Variants in ANKRD30A observed in about 807,000 individuals in gnomAD.
ANKRD30A encodes ankyrin repeat domain-containing protein 30A.
A neutral mutation model predicts 166.3 loss-of-function variants in ANKRD30A; 170 were observed. The observed-to-expected ratio is 1.02, with a 90% CI of 0.90 to 1.16. The LOEUF is 1.16. ANKRD30A is among the 50% of genes most tolerant of loss of function. The pLI is 0.00. For missense variants in ANKRD30A, 1,630 were observed against 1,518.0 expected (o/e 1.07, Z -1.23); for synonymous variants, 564 against 508.9 (o/e 1.11, Z -1.46).
At chr10:37,248,524 C>G in the ANKRD30A span, among the ~76,000 whole-genome samples, 1 of 152,126 alleles carries the variant, frequency 6.6e-6, no homozygotes, top group African/African-American at 2.4e-5. Context: ...GCAGCAGCCC[C>G]CATGGTCCAA....
At chr10:37,156,849 G>T (rs114629396) in intron 13 of ANKRD30A, among the ~76,000 whole-genome samples, 1 of 152,070 alleles carries the variant, frequency 6.6e-6, no homozygotes, top group Non-Finnish European at 1.5e-5. Context: ...TATTTAAAGC[G>T]TATTGAATAC....
intron 31 of ANKRD30A, among the ~76,000 whole-genome samples, chr10:37,206,278 T>G (rs1258593017): frequency 6.6e-6 from 1 of 152,124 alleles, no homozygotes; most frequent in Non-Finnish European, 1.5e-5. Flanking sequence ...CAGATGCATT[T>G]GGAATGTTTG....
chr10:37,134,858 A>G (rs1836584740), intron 5 of ANKRD30A, among the ~76,000 whole-genome samples: 1 of 152,166 alleles, frequency 6.6e-6, no homozygotes, highest in Admixed American at 6.5e-5. Flanking sequence ...GTCAGGTTGA[A>G]GTAATGTTAT....
chr10:37,162,934 T>C, intron 17 of ANKRD30A, 86 bp downstream of exon 17: 2 of 1,504,998 alleles, frequency 1.3e-6, no homozygotes, highest in South Asian at 1.2e-5. Flanking sequence ...GGTTTATTTT[T>C]TTCAACTTTG....
chr10:37,131,842 G>T (rs1303385802), intron 3 of ANKRD30A, among the ~76,000 whole-genome samples: 2 of 152,158 alleles, frequency 1.3e-5, no homozygotes, highest in Non-Finnish European at 2.9e-5. Context: ...TTCTGGTAAG[G>T]TAATTATTCT....
At chr10:37,225,758 A>AT (rs1843118901) in intron 34 of ANKRD30A, among the ~76,000 whole-genome samples, 3 of 151,866 alleles carry the variant, frequency 2.0e-5, no homozygotes, top group African/African-American at 7.2e-5. Flanking sequence ...ACGCCATCCT[A>AT]TGATGACTTC....
At chr10:37,173,083 G>A (rs1185499936) in intron 21 of ANKRD30A, among the ~76,000 whole-genome samples, 1 of 151,742 alleles carries the variant, frequency 6.6e-6, no homozygotes, top group Non-Finnish European at 1.5e-5. Flanking sequence ...AATATTGAAA[G>A]CTTAGTATAG....
rs1206212754 is a variant in ANKRD30A, at chr10:37,141,753, C to T, written c.856C>T (p.Pro286Ser). Reference protein sequence around the residue: ...TSAGTPDEAAPLAERTPDTAE... With the variant: ...TSAGTPDEAASLAERTPDTAE... ...TGCAGGAACACCTGATGAGGCTGCA[C>T]CCTTGGCGGAAAGAACACCTGACAC... is the stretch of plus-strand genomic sequence containing the variant. The change falls in exon 7 of 36, where the codon CCC becomes TCC. Residue 286 changes from proline (P) to serine (S), a missense_variant. Pro to Ser is a moderately conservative substitution (Grantham distance 74, BLOSUM62 -1). Transcript: ENST00000361713. 4 of 1,611,786 alleles carry T rather than the reference C, an allele frequency of 2.5e-6. No homozygotes were observed. The highest frequency in any genetic ancestry group is 1.7e-5 in the Admixed American group (1 of 59,956).
At chr10:37,203,872 T>G (rs963444452) in intron 31 of ANKRD30A, among the ~76,000 whole-genome samples, 1 of 152,234 alleles carries the variant, frequency 6.6e-6, no homozygotes, top group Non-Finnish European at 1.5e-5. Flanking sequence ...AAATCATGAG[T>G]GAACTCCCAT....
At chr10:37,152,216 A>G in intron 12 of ANKRD30A, 95 bp downstream of exon 12, 2 of 1,014,134 alleles carry the variant, frequency 2.0e-6, no homozygotes, top group South Asian at 1.4e-5. Flanking sequence ...GCCTCTTCAT[A>G]TGTCACCCCG....
intron 24 of ANKRD30A, among the ~76,000 whole-genome samples, chr10:37,178,039 G>C (rs571268649): frequency 6.6e-6 from 1 of 151,116 alleles, no homozygotes; most frequent in Non-Finnish European, 1.5e-5. Context: ...AGTAAATGAA[G>C]ACTGAGAAAG....
chr10:37,212,762 G>A (rs1247727191), intron 31 of ANKRD30A, among the ~76,000 whole-genome samples: 2 of 151,692 alleles, frequency 1.3e-5, no homozygotes, highest in East Asian at 1.9e-4. Context: ...GGAAGGGGTC[G>A]AGTTTCAGTT....
intron 34 of ANKRD30A, among the ~76,000 whole-genome samples, chr10:37,223,630 T>C (rs1344896580): frequency 6.6e-6 from 1 of 151,456 alleles, no homozygotes; most frequent in Admixed American, 6.6e-5. Flanking sequence ...ATGATACTAA[T>C]GAAAGTATAA....
chr10:37,250,675 G>T, the ANKRD30A span, among the ~76,000 whole-genome samples: 1 of 151,974 alleles, frequency 6.6e-6, no homozygotes, highest in Non-Finnish European at 1.5e-5. Flanking sequence ...CTTATAGAAG[G>T]GACTCCAGAG....
At chr10:37,254,998 T>G in the ANKRD30A span, among the ~76,000 whole-genome samples, 83 of 152,268 alleles carry the variant, frequency 5.5e-4, no homozygotes, top group Non-Finnish European at 1.0e-3. Flanking sequence ...TTTTATTTTC[T>G]TTGTTATGTC....
At chr10:37,155,274 C>G (rs1042230310) in intron 13 of ANKRD30A, among the ~76,000 whole-genome samples, 2 of 152,072 alleles carry the variant, frequency 1.3e-5, no homozygotes, top group Non-Finnish European at 2.9e-5. Flanking sequence ...GTACATCTTC[C>G]TCCATGAGTG....
the ANKRD30A span, among the ~76,000 whole-genome samples, chr10:37,253,651 T>TC: frequency 5.2e-5 from 4 of 77,328 alleles, no homozygotes; most frequent in African/African-American, 1.5e-4. Flanking sequence ...TTCTTTTTCT[T>TC]TTTTTTTTTT....
chr10:37,144,814 A>G (rs1837385015), intron 7 of ANKRD30A, among the ~76,000 whole-genome samples, 181 bp from the exon 8 acceptor site: 1 of 129,692 alleles, frequency 7.7e-6, no homozygotes, highest in African/African-American at 2.8e-5. Flanking sequence ...TAATTTTTAC[A>G]TTTTTAAGAT....
At chr10:37,199,196 C>T (rs1337408916) in intron 29 of ANKRD30A, among the ~76,000 whole-genome samples, 2 of 151,944 alleles carry the variant, frequency 1.3e-5, no homozygotes, top group African/African-American at 4.8e-5. Context: ...CAAACCACAC[C>T]CAATACACTG....
Sources: allele counts gnomAD v4.1 joint callset (sites outside exome capture counted in the v4.1 genomes callset), GRCh38; gene constraint gnomAD v4.1.1; transcripts MANE v1.5; gene names NCBI Gene and HGNC (gene_info 2026-07-23, HGNC 2026-07-21).